Variants in MAN2A1 observed in about 807,000 individuals in gnomAD.
MAN2A1 encodes the protein mannosidase alpha class 2A member 1, also known as alpha-mannosidase 2.
In MAN2A1, 76 loss-of-function variants were observed where a neutral mutation model predicts 142.6. The ratio of observed to expected loss-of-function variants is 0.53; its 90% CI spans 0.44 to 0.65. The LOEUF is 0.65. Among genes scored for constraint, MAN2A1 ranks in the 30% least tolerant of loss-of-function variants. The pLI is 0.00. For missense variants in MAN2A1, 1,311 were observed against 1,365.1 expected (o/e 0.96, Z 0.62); for synonymous variants, 559 against 473.2 (o/e 1.18, Z -2.35).
chr5:109,843,224 G>A (rs1041088806), intron 17 of MAN2A1, among the ~76,000 whole-genome samples: 1 of 152,190 alleles, frequency 6.6e-6, no homozygotes, highest in African/African-American at 2.4e-5. Context: ...GTAGCCTCAG[G>A]AAACTTACAA....
chr5:109,728,703 G>A (rs1373734687), intron 3 of MAN2A1, among the ~76,000 whole-genome samples: 4 of 152,034 alleles, frequency 2.6e-5, no homozygotes, highest in Non-Finnish European at 4.4e-5. Context: ...ATATGCATTC[G>A]CATTTGTTGT....
intron 2 of MAN2A1, among the ~76,000 whole-genome samples, chr5:109,715,873 C>A (rs1751438300): frequency 6.7e-6 from 1 of 148,394 alleles, no homozygotes; most frequent in South Asian, 2.1e-4. Context: ...ATAGAATGAA[C>A]TTTTTTTTTT....
chr5:109,740,680 C>T (rs1429584704), intron 4 of MAN2A1, among the ~76,000 whole-genome samples: 1 of 152,158 alleles, frequency 6.6e-6, no homozygotes, highest in Non-Finnish European at 1.5e-5. Flanking sequence ...AGCTTTGCCT[C>T]AGCCCTTGGC....
At chr5:109,788,415 G>A (rs115303212) in intron 10 of MAN2A1, among the ~76,000 whole-genome samples, 288 of 151,844 alleles carry the variant, frequency 1.9e-3, no homozygotes, top group African/African-American at 6.5e-3. Flanking sequence ...ATTCACATCT[G>A]TCAAAAACTC....
chr5:109,746,338 A>T (rs934251802), intron 4 of MAN2A1, among the ~76,000 whole-genome samples: 1 of 152,134 alleles, frequency 6.6e-6, no homozygotes, highest in Non-Finnish European at 1.5e-5. Context: ...TCAGAAAAAA[A>T]TTTAGTTTAA....
intron 12 of MAN2A1, among the ~76,000 whole-genome samples, chr5:109,807,473 G>A (rs370507026): frequency 2.7e-4 from 41 of 152,266 alleles, no homozygotes; most frequent in African/African-American, 9.6e-4. Context: ...ATATTGGTAG[G>A]GCTGGTTCCT....
chr5:109,813,136 G>A (rs1754363048), intron 12 of MAN2A1, among the ~76,000 whole-genome samples: 1 of 152,104 alleles, frequency 6.6e-6, no homozygotes, highest in Non-Finnish European at 1.5e-5. Flanking sequence ...TATATTGCAA[G>A]TTTTTTTCTG....
chr5:109,865,438 C>A (rs1002348505), intron 21 of MAN2A1: 2 of 354,634 alleles, frequency 5.6e-6, no homozygotes, highest in Admixed American at 4.1e-5. Context: ...GCTCCCAGTC[C>A]CCCAGTTTTC....
chr5:109,826,307 G>T (rs913633163), intron 16 of MAN2A1, among the ~76,000 whole-genome samples: 1 of 152,228 alleles, frequency 6.6e-6, no homozygotes, highest in Non-Finnish European at 1.5e-5. Context: ...ATAAATAAGT[G>T]TAATGCAAAC....
At chr5:109,734,463 AG>A (rs1752024069) in intron 4 of MAN2A1, among the ~76,000 whole-genome samples, 1 of 152,016 alleles carries the variant, frequency 6.6e-6, no homozygotes, top group Non-Finnish European at 1.5e-5. Context: ...TTGTGATGTT[AG>A]GGTGTCAATT....
intron 1 of MAN2A1, among the ~76,000 whole-genome samples, chr5:109,695,008 C>T (rs777798098): frequency 7.2e-5 from 11 of 152,100 alleles, no homozygotes; most frequent in Non-Finnish European, 1.2e-4. Flanking sequence ...AGTGATGGAA[C>T]GTTGATAGTG....
intron 12 of MAN2A1, 147 bp from the exon 13 acceptor site, chr5:109,817,126 A>G: frequency 1.4e-6 from 1 of 696,904 alleles, no homozygotes; most frequent in Non-Finnish European, 2.3e-6. Context: ...TAATCTCCCC[A>G]CTGCACTCCA....
chr5:109,690,236 A>G lies in MAN2A1; in HGVS notation c.-182A>G, dbSNP rs1378178794. On this transcript the variant is annotated 5_prime_UTR_variant, in exon 1 of 22. Coordinates refer to ENST00000261483, the MANE Select transcript of MAN2A1 (RefSeq NM_002372.4). ...GGGCGGCAGGCCAGGGCGAAGGCCA[A>G]GGGCGTGTGGTGGCGCCGGAGACTA... 2 of 632,772 alleles carry G rather than the reference A, an allele frequency of 3.2e-6. No homozygotes were observed. Among genetic ancestry groups the G allele is most frequent in the Non-Finnish European group, 5.6e-6 (2 of 357,990 alleles). The allele number at this position is 632,772 out of a possible 1,614,324, so 39.2% of individuals were successfully genotyped here. A position where few individuals can be genotyped will look rare whatever the true frequency, so the allele number is the denominator to read the frequency against.
At chr5:109,827,804 C>T (rs1000710337) in intron 16 of MAN2A1, among the ~76,000 whole-genome samples, 1 of 152,106 alleles carries the variant, frequency 6.6e-6, no homozygotes, top group Non-Finnish European at 1.5e-5. Context: ...CAGAGCAGTT[C>T]AGAATTTCTA....
intron 8 of MAN2A1, among the ~76,000 whole-genome samples, chr5:109,779,891 A>G (rs1753405323): frequency 6.6e-6 from 1 of 152,190 alleles, no homozygotes; most frequent in African/African-American, 2.4e-5. Flanking sequence ...ATTTAGAAAT[A>G]ATCATCTATT....
chr5:109,780,928 G>A (rs951739689), intron 8 of MAN2A1, among the ~76,000 whole-genome samples: 2 of 152,232 alleles, frequency 1.3e-5, no homozygotes, highest in Non-Finnish European at 2.9e-5. Flanking sequence ...ATAGAGGAGG[G>A]TATGATATAT....
chr5:109,864,004 A>G (rs1369767218), intron 20 of MAN2A1: 2 of 152,210 alleles, frequency 1.3e-5, no homozygotes, highest in Non-Finnish European at 2.9e-5. Flanking sequence ...CAGGCACATT[A>G]AAATCAAATC....
intron 4 of MAN2A1, among the ~76,000 whole-genome samples, chr5:109,745,959 A>G (rs1752392756): frequency 6.6e-6 from 1 of 152,072 alleles, no homozygotes; most frequent in Non-Finnish European, 1.5e-5. Flanking sequence ...TTTTTAAGCT[A>G]CAGTTCTGTT....
intron 10 of MAN2A1, 79 bp downstream of exon 10, chr5:109,785,005 T>A (rs1020374527): frequency 1.8e-5 from 19 of 1,046,720 alleles, no homozygotes; most frequent in Admixed American, 2.6e-5. Context: ...TTGGTGAAGT[T>A]GTTAGTGTAT....
Sources: allele counts gnomAD v4.1 joint callset (sites outside exome capture counted in the v4.1 genomes callset), GRCh38; gene constraint gnomAD v4.1.1; transcripts MANE v1.5; gene names NCBI Gene and HGNC (gene_info 2026-07-23, HGNC 2026-07-21).